Variants in C16orf46 observed in about 807,000 individuals in gnomAD.
C16orf46 encodes chromosome 16 open reading frame 46, also known as uncharacterized protein C16orf46.
In C16orf46, 7 loss-of-function variants were observed where a neutral mutation model predicts 5.5. The observed-to-expected ratio is 1.28, with a 90% CI of 0.73 to 2.40. The LOEUF (loss-of-function observed/expected upper bound fraction) is 2.40, where lower values mean the gene tolerates loss of function less well. C16orf46 is among the 30% of genes most tolerant of loss of function. The pLI is 0.00. For missense variants in C16orf46, 614 were observed against 476.0 expected (o/e 1.29, Z -2.70); for synonymous variants, 200 against 184.1 (o/e 1.09, Z -0.70).
In C16orf46 at chr16:81,064,008, G is replaced by A. The variant is rs1372689462; in HGVS notation, c.-38-15C>T. On this transcript the variant is annotated splice_polypyrimidine_tract_variant and intron_variant, in intron 2 of 3. Transcript: ENST00000299578. ...ACATCTTCTTGCTGTTTAAAAACAT[G>A]AATGGAACTTCGTTTTTAATATTAA... The A allele has an allele frequency of 3.8e-6, 5 of 1,323,068 alleles. No individual in the cohort carries two copies. The highest frequency in any genetic ancestry group is 4.2e-6 in the Non-Finnish European group (4 of 950,782). 82.0% of individuals were successfully genotyped at this position (1,323,068 alleles called of 1,614,324 possible). A position where few individuals can be genotyped will look rare whatever the true frequency, so the allele number is the denominator to read the frequency against.
intron 3 of C16orf46, chr16:81,055,294 A>G (rs1037881924): frequency 1.3e-5 from 2 of 152,178 alleles, no homozygotes; most frequent in Admixed American, 6.5e-5. Flanking sequence ...TGGGCAGATA[A>G]AAAGGAAAAA....
At chr16:81,068,500 G>A (rs938846659) in intron 1 of C16orf46, among the ~76,000 whole-genome samples, 1 of 151,662 alleles carries the variant, frequency 6.6e-6, no homozygotes, top group Non-Finnish European at 1.5e-5. Flanking sequence ...CTGAAAAGAA[G>A]TGAAGGGATA....
At position 81,064,056 on chromosome 16, in the gene C16orf46, C is replaced by G. The variant is rs193278264; in HGVS notation, c.-38-63G>C. On this transcript the variant is annotated intron_variant, in intron 2 of 3. Transcript: ENST00000299578. ...TAATTTTTTTTTAAAAAAAGCAATG[C>G]AATACTCAGGTGAAATATCTTCAAG... 1.6e-3 allele frequency: 1,427 copies of G among 868,732 alleles called. 17 individuals are homozygous for G. Among genetic ancestry groups the G allele is most frequent in the Non-Finnish European group, 6.7e-4 (384 of 577,230 alleles). The allele number at this position is 868,732 out of a possible 1,614,324, so 53.8% of individuals were successfully genotyped here. A position where few individuals can be genotyped will look rare whatever the true frequency, so the allele number is the denominator to read the frequency against.
chr16:81,059,843 C>G (rs1317448136), downstream of C16orf46, among the ~76,000 whole-genome samples: 1 of 150,836 alleles, frequency 6.6e-6, no homozygotes, highest in Non-Finnish European at 1.5e-5. Context: ...GGCTGGAGAG[C>G]AGTGGCACGA....
In C16orf46 at chr16:81,061,842, A is replaced by G; in HGVS notation, c.507T>C (p.Ile169=). 1 of 1,614,196 alleles carries G rather than the reference A, an allele frequency of 6.2e-7. No individual in the cohort carries two copies. The highest frequency in any genetic ancestry group is 8.5e-7 in the Non-Finnish European group (1 of 1,180,032). Residue 169 remains isoleucine (I), a synonymous_variant, in exon 4 of 4, where the codon ATT becomes ATC. Transcript: ENST00000299578. ...EKKSLQIKEF[I]WCNKDWAIPG... is the part of the protein sequence containing the mutation. Reference sequence around the variant, plus strand: ...GGATGGCCCAGTCTTTGTTGCACCAAATAAACTCCTTGATTTGCAGACTTT... The same window carrying G: ...GGATGGCCCAGTCTTTGTTGCACCAGATAAACTCCTTGATTTGCAGACTTT...
At chr16:81,055,558 G>A (rs973648579) in intron 3 of C16orf46, 3 of 152,100 alleles carry the variant, frequency 2.0e-5, no homozygotes, top group African/African-American at 7.2e-5. Context: ...GCTGAGCATG[G>A]TGGTGTGTGC....
intron 1 of C16orf46, among the ~76,000 whole-genome samples, chr16:81,071,042 T>C (rs1419642799): frequency 6.6e-6 from 1 of 152,126 alleles, no homozygotes; most frequent in African/African-American, 2.4e-5. Context: ...CATGTGTACT[T>C]CTTTTCACTA....
intron 3 of C16orf46, among the ~76,000 whole-genome samples, chr16:81,062,393 A>G (rs867119077): frequency 2.0e-5 from 3 of 152,248 alleles, no homozygotes; most frequent in Non-Finnish European, 4.4e-5. Flanking sequence ...AGTATTTGTA[A>G]TAGTATTTGT....
exon 4 of C16orf46, chr16:81,053,818 T>C (rs1971214507): frequency 7.2e-6 from 3 of 416,210 alleles, no homozygotes; most frequent in African/African-American, 4.0e-5. Context: ...ACATATATTA[T>C]ATTACCTCTG....
At chr16:81,070,508 G>GT (rs894213265) in intron 1 of C16orf46, among the ~76,000 whole-genome samples, 1 of 152,010 alleles carries the variant, frequency 6.6e-6, no homozygotes, top group African/African-American at 2.4e-5. Context: ...ATGGCCAATA[G>GT]TTTTTTTTAA....
chr16:81,055,436 G>C (rs1267813502), intron 3 of C16orf46: 1 of 152,056 alleles, frequency 6.6e-6, no homozygotes, highest in Non-Finnish European at 1.5e-5. Context: ...GCTCATGCCT[G>C]TCATCCCAGC....
chr16:81,057,319 C>T (rs188699992), downstream of C16orf46, among the ~76,000 whole-genome samples: 9 of 152,142 alleles, frequency 5.9e-5, no homozygotes, highest in East Asian at 1.9e-4. Context: ...GAGGCCAAGG[C>T]GGGCGCATCA....
chr16:81,059,722 T>C (rs1315819418), downstream of C16orf46, among the ~76,000 whole-genome samples: 1 of 152,016 alleles, frequency 6.6e-6, no homozygotes, highest in African/African-American at 2.4e-5. Flanking sequence ...AAACATTAGA[T>C]GCAAAGTAAT....
chr16:81,058,552 AAAGTT>A (rs1238842203), downstream of C16orf46, among the ~76,000 whole-genome samples: 4 of 152,240 alleles, frequency 2.6e-5, no homozygotes, highest in Non-Finnish European at 5.9e-5. Context: ...GACAAGTTGC[AAAGTT>A]AAGTTCTGAG....
intron 1 of C16orf46, among the ~76,000 whole-genome samples, chr16:81,067,176 C>T (rs1971678809): frequency 6.6e-6 from 1 of 152,124 alleles, no homozygotes; most frequent in African/African-American, 2.4e-5. Flanking sequence ...TTACCATAAT[C>T]CAGAAAATAC....
At chr16:81,063,439 T>G (rs1172826027) in intron 3 of C16orf46, among the ~76,000 whole-genome samples, 1 of 152,046 alleles carries the variant, frequency 6.6e-6, no homozygotes, top group Non-Finnish European at 1.5e-5. Context: ...ATCTTCCAAG[T>G]GACTCAGTAT....
chr16:81,054,637 G>C (rs150245444), intron 3 of C16orf46, among the ~76,000 whole-genome samples: 1 of 151,628 alleles, frequency 6.6e-6, no homozygotes, highest in South Asian at 2.1e-4. Flanking sequence ...CACTGCACCC[G>C]GCCACATGTG....
intron 1 of C16orf46, among the ~76,000 whole-genome samples, chr16:81,070,710 G>A (rs751399628): frequency 5.9e-5 from 9 of 152,036 alleles, no homozygotes; most frequent in African/African-American, 2.2e-4. Flanking sequence ...TTTTTGAGAC[G>A]CAGTTTTGCT....
In C16orf46 at chr16:81,061,237, A is replaced by G. The variant is rs1408209730; in HGVS notation, c.1112T>C (p.Val371Ala). Residue 371 changes from valine (V) to alanine (A), a missense_variant, in exon 4 of 4, where the codon GTT (valine) becomes GCT (alanine). Physicochemically the swap from Val to Ala is moderately conservative, Grantham distance 64. Coordinates refer to ENST00000299578, the MANE Select transcript of C16orf46 (RefSeq NM_152337.3). ...AGACGGCAAGACAGGTCTTGGGAAA[A>G]CTTTGGTCTCCAGCATTTGGGGCCT... is the stretch of plus-strand genomic sequence containing the variant. ...ENRPQMLETKVFPRPVLPSLT... is the reference protein window; with the variant it reads ...ENRPQMLETKAFPRPVLPSLT... The G allele has an allele frequency of 1.2e-6, 2 of 1,613,988 alleles. No individual in the cohort carries two copies. The highest frequency in any genetic ancestry group is 1.3e-5 in the African/African-American group (1 of 74,968).
Sources: gnomAD v4.1 joint callset for allele counts (sites outside exome capture counted in the v4.1 genomes callset) on GRCh38, gnomAD v4.1.1 for gene constraint, MANE v1.5 for transcripts, NCBI Gene and HGNC (gene_info 2026-07-23, HGNC 2026-07-21) for gene names.